The following SHANK1 variants were observed in gnomAD, a reference collection of about 807,000 sequenced individuals.
SHANK1 encodes SH3 and multiple ankyrin repeat domains 1, also known as SH3 and multiple ankyrin repeat domains protein 1.
A neutral mutation model predicts 165.6 loss-of-function variants in SHANK1; 35 were observed. That is an observed-to-expected ratio of 0.21 (90% CI 0.16 to 0.28). The LOEUF is 0.28. Among genes scored for constraint, SHANK1 ranks in the 10% least tolerant of loss-of-function variants. The probability of loss-of-function intolerance (pLI) is 1.00; values close to 1 mark genes in which losing one functional copy is unlikely to be tolerated. For missense variants in SHANK1, 2,681 were observed against 3,036.4 expected (o/e 0.88, Z 2.75); for synonymous variants, 1,428 against 1,384.8 (o/e 1.03, Z -0.69).
intron 12 of SHANK1, among the ~76,000 whole-genome samples, chr19:50,701,964 G>A (rs1171587303): frequency 6.6e-6 from 1 of 152,160 alleles, no homozygotes; most frequent in Non-Finnish European, 1.5e-5. Flanking sequence ...CCAGCTCGTC[G>A]GGGCCCTAGA....
rs1436708581 is a variant in SHANK1 at position 50,670,004 on chromosome 19, C to T, written c.2675-719G>A. 6.6e-6 allele frequency among the ~76,000 whole-genome samples: 1 copy of T among 152,172 alleles called. No homozygotes were observed. The highest frequency in any genetic ancestry group is 1.5e-5 in the Non-Finnish European group (1 of 68,030). Reference sequence around the variant, plus strand: ...CTACTCCCTCTCAACTAGTGACCAGCTTCATTCACTGCCTTTCTGCTGTCG... The same window carrying T: ...CTACTCCCTCTCAACTAGTGACCAGTTTCATTCACTGCCTTTCTGCTGTCG... On this transcript the variant is annotated intron_variant, in intron 22 of 23. Transcript: ENST00000293441. The surrounding 1 kb of genome is among the most constrained non-coding windows in gnomAD (Gnocchi z 4.1).
intron 18 of SHANK1, 70 bp downstream of exon 18, chr19:50,687,853 C>T (rs1986407694): frequency 5.7e-6 from 9 of 1,592,826 alleles, no homozygotes; most frequent in South Asian, 1.1e-5. Context: ...CAGCAGCAAC[C>T]AGCCCTGGGG....
chr19:50,693,758 C>T (rs567074616), intron 15 of SHANK1, among the ~76,000 whole-genome samples: 31 of 152,230 alleles, frequency 2.0e-4, no homozygotes, highest in African/African-American at 3.6e-4. Flanking sequence ...CACACACAAG[C>T]GGATGCGGCT....
Position 50,662,097 on chromosome 19 carries a change from C to G in SHANK1, c.6354G>C (p.Gln2118His), listed in dbSNP as rs1254836990. The G allele has an allele frequency of 5.0e-6, 8 of 1,614,212 alleles. No homozygotes were observed. In the South Asian group the frequency reaches 7.7e-5, roughly 16 times the overall value. Reference protein sequence around the residue: ...EWLGLAEHRAQFLDHEIDGSH... With the variant: ...EWLGLAEHRAHFLDHEIDGSH... The stretch of plus-strand genomic sequence containing the variant: ...AGCCATCGATCTCGTGGTCCAGGAA[C>G]TGGGCTCGGTGCTCCGCCAAACCCA... The change falls in exon 24 of 24, where the codon CAG becomes CAC. Residue 2118 changes from glutamine to histidine, a missense_variant. By Grantham distance (24) the Gln-to-His change is conservative (BLOSUM62 0). Transcript: ENST00000293441. The surrounding 1 kb of genome is among the most constrained non-coding windows in gnomAD (Gnocchi z 7.7).
In SHANK1 at chr19:50,719,788, G is replaced by A. The variant is rs1244232204; in HGVS notation, c.-426C>T. ...CCTCTGCCACCCTTCTCGCTCTCTC[G>A]CTCTCGCTGTCTCTCCCTCACCCTG... On this transcript the variant is annotated 5_prime_UTR_variant, in exon 1 of 24. Transcript: ENST00000293441. 6.7e-6 allele frequency among the ~76,000 whole-genome samples: 1 copy of A among 150,178 alleles called. No individual in the cohort carries two copies. Among genetic ancestry groups the A allele is most frequent in the African/African-American group, 2.5e-5 (1 of 40,770 alleles).
intron 21 of SHANK1, among the ~76,000 whole-genome samples, chr19:50,673,601 A>G (rs545463348): frequency 6.6e-6 from 1 of 152,060 alleles, no homozygotes; most frequent in Non-Finnish European, 1.5e-5. Flanking sequence ...CATCTTGTTT[A>G]CTTGCTGTCT....
At chr19:50,673,910 A>T (rs1985891396) in intron 21 of SHANK1, among the ~76,000 whole-genome samples, 1 of 151,598 alleles carries the variant, frequency 6.6e-6, no homozygotes, top group African/African-American at 2.4e-5. Flanking sequence ...CCCAACCCCA[A>T]CCTTCTGAGT....
chr19:50,700,268 G>A (rs1018644955), intron 12 of SHANK1, among the ~76,000 whole-genome samples: 10 of 146,808 alleles, frequency 6.8e-5, no homozygotes, highest in South Asian at 2.2e-4. Flanking sequence ...GGCATTGGGA[G>A]AGTGGAGGAC....
intron 23 of SHANK1, among the ~76,000 whole-genome samples, chr19:50,665,555 A>C (rs1376769129): frequency 1.0e-5 from 1 of 99,596 alleles, no homozygotes; most frequent in Non-Finnish European, 1.9e-5. Flanking sequence ...CAATAGAGTG[A>C]GACTCTGTCT....
At position 50,667,958 on chromosome 19, in the gene SHANK1, G is replaced by C; in HGVS notation, c.4002C>G (p.Pro1334=). 1 of 1,407,932 alleles carries C rather than the reference G, an allele frequency of 7.1e-7. No individual in the cohort carries two copies. Among genetic ancestry groups the C allele is most frequent in the Non-Finnish European group, 9.2e-7 (1 of 1,086,272 alleles). The allele number at this position is 1,407,932 out of a possible 1,614,324, so 87.2% of individuals were successfully genotyped here. A position where few individuals can be genotyped will look rare whatever the true frequency, so the allele number is the denominator to read the frequency against. ...TCAGCGGGTGCACCAGGGGTCGCGG[G>C]GGCAGGAAGCTGGTGAAGGCGCTGC... ...GGSSAFTSFL[P]PRPLVHPLTG... The change falls in exon 23 of 24, where the codon CCC becomes CCG. Residue 1334 remains proline (P), a synonymous_variant. Transcript: ENST00000293441. The surrounding 1 kb of genome is among the most constrained non-coding windows in gnomAD (Gnocchi z 5.7).
chr19:50,683,052 G>A (rs1039122401), intron 21 of SHANK1, among the ~76,000 whole-genome samples: 22 of 152,108 alleles, frequency 1.4e-4, no homozygotes, highest in African/African-American at 4.8e-4. Context: ...CTCTGGTCTC[G>A]AACTACTAAG....
chr19:50,708,945 G>A (rs1427713909), intron 8 of SHANK1, among the ~76,000 whole-genome samples: 2 of 152,158 alleles, frequency 1.3e-5, no homozygotes, highest in Non-Finnish European at 1.5e-5. Context: ...GGGCATATCA[G>A]GAGGCCAAGG....
At chr19:50,675,637 G>A (rs1342526366) in intron 21 of SHANK1, among the ~76,000 whole-genome samples, 7 of 152,174 alleles carry the variant, frequency 4.6e-5, no homozygotes, top group Admixed American at 1.3e-4. Flanking sequence ...GCCATAAACA[G>A]CATAAATTCG....
intron 12 of SHANK1, among the ~76,000 whole-genome samples, chr19:50,698,884 C>T (rs909773212): frequency 1.1e-4 from 16 of 152,360 alleles, no homozygotes; most frequent in East Asian, 5.8e-4. Flanking sequence ...TCCATTTCTC[C>T]GGCATTTTTC....
In SHANK1 at chr19:50,662,127, C is replaced by CA; in HGVS notation, c.6323_6324insT (p.Glu2108AspfsTer75). Reference sequence around the variant, plus strand: ...CTCGGTGCTCCGCCAAACCCAGCCACTCCAGCCAATCAGCCACGTCGAACT... The same window carrying CA: ...CTCGGTGCTCCGCCAAACCCAGCCACATCCAGCCAATCAGCCACGTCGAACT... On this transcript the variant is annotated frameshift_variant, in exon 24 of 24. Coordinates refer to ENST00000293441, the MANE Select transcript of SHANK1 (RefSeq NM_016148.5). LOFTEE classifies it high-confidence loss of function. This position sits in a 1 kb window ranked among gnomAD's most constrained non-coding sequence, Gnocchi z 7.7. 6.2e-7 allele frequency: 1 copy of CA among 1,613,938 alleles called. No homozygotes were observed. Among genetic ancestry groups the CA allele is most frequent in the African/African-American group, 1.3e-5 (1 of 75,074 alleles).
rs942885825 is a variant in SHANK1 at position 50,718,968 on chromosome 19, G to A, written c.-44+438C>T. ...GGAAGGAGAAGCGGGAGCTGGAGGG[G>A]TCGAAAGGGGCGGAGGAGGCCCGGG... On this transcript the variant is annotated intron_variant, in intron 1 of 23. Coordinates refer to ENST00000293441, the MANE Select transcript of SHANK1 (RefSeq NM_016148.5). This position sits in a 1 kb window ranked among gnomAD's most constrained non-coding sequence, Gnocchi z 5.1. Among the ~76,000 whole-genome samples, 2 of 151,896 alleles carry A rather than the reference G, an allele frequency of 1.3e-5. No homozygotes were observed.
At chr19:50,715,773 G>C in intron 3 of SHANK1, 43 bp from the exon 4 acceptor site, 1 of 1,567,098 alleles carries the variant, frequency 6.4e-7, no homozygotes, top group South Asian at 1.1e-5. Flanking sequence ...CAGAGACTTG[G>C]AATCAGGGGC....
rs200235474 is a variant in SHANK1, at chr19:50,667,441, C to T, written c.4519G>A (p.Gly1507Arg). The T allele has an allele frequency of 2.6e-5, 40 of 1,525,900 alleles. No individual in the cohort carries two copies. The highest frequency in any genetic ancestry group is 2.3e-5 in the East Asian group (1 of 42,592). The allele number at this position is 1,525,900 out of a possible 1,614,324, so 94.5% of individuals were successfully genotyped here. A position where few individuals can be genotyped will look rare whatever the true frequency, so the allele number is the denominator to read the frequency against. Residue 1507 changes from glycine (G) to arginine (R), a missense_variant, in exon 23 of 24, where the codon GGA (glycine) becomes AGA (arginine). Transcript: ENST00000293441. This position sits in a 1 kb window ranked among gnomAD's most constrained non-coding sequence, Gnocchi z 5.7. ...NCQPRAPVTS[G>R]RGPPSEDGPG... ...CCGTCCTCCGAGGGGGGACCCCTTC[C>T]GCTCGTCACAGGGGCCCGGGGCTGG...
chr19:50,694,886 G>A (rs1308326291), intron 15 of SHANK1, among the ~76,000 whole-genome samples: 3 of 150,606 alleles, frequency 2.0e-5, no homozygotes. Context: ...AAAGCAGGAG[G>A]CGGCGCGCTC....
Sources: gnomAD v4.1 joint callset for allele counts (sites outside exome capture counted in the v4.1 genomes callset) on GRCh38, gnomAD v4.1.1 for gene constraint, Gnocchi (gnomAD v3.1) non-coding constraint, MANE v1.5 for transcripts, NCBI Gene and HGNC (gene_info 2026-07-23, HGNC 2026-07-21) for gene names.